Variants in RNF216 observed in about 807,000 individuals in gnomAD.
The protein encoded by RNF216 is E3 ubiquitin-protein ligase RNF216.
In RNF216, 72 loss-of-function variants were observed where a neutral mutation model predicts 110.8. That is an observed-to-expected ratio of 0.65 (90% CI 0.54 to 0.79). The LOEUF (loss-of-function observed/expected upper bound fraction) is 0.79. Ranked by LOEUF, RNF216 falls within the 30% of genes least tolerant of loss-of-function variation. The pLI, the probability that RNF216 is intolerant of heterozygous loss-of-function variation, is 0.00. For missense variants in RNF216, 1,342 were observed against 1,141.2 expected (o/e 1.18, Z -2.54); for synonymous variants, 495 against 407.5 (o/e 1.21, Z -2.59).
intron 9 of RNF216, among the ~76,000 whole-genome samples, chr7:5,719,788 AG>A (rs564660145): frequency 9.1e-4 from 138 of 152,310 alleles, no homozygotes; most frequent in African/African-American, 3.0e-3. Flanking sequence ...GAATAATCAT[AG>A]TTTTTCTGTC....
chr7:5,775,834 A>C (rs1201525718), intron 1 of RNF216, among the ~76,000 whole-genome samples: 2 of 151,190 alleles, frequency 1.3e-5, no homozygotes, highest in Non-Finnish European at 2.9e-5. Context: ...GCGCCACTGC[A>C]CTCCTGCCTG....
intron 13 of RNF216, among the ~76,000 whole-genome samples, chr7:5,667,430 G>C (rs939727547): frequency 6.6e-6 from 1 of 152,192 alleles, no homozygotes; most frequent in African/African-American, 2.4e-5. Flanking sequence ...ATCACTGCCA[G>C]GAACTGAAAA....
At chr7:5,692,509 C>A (rs1791397974) in intron 13 of RNF216, among the ~76,000 whole-genome samples, 1 of 152,140 alleles carries the variant, frequency 6.6e-6, no homozygotes, top group African/African-American at 2.4e-5. Context: ...GACTTCTGGT[C>A]CAAGGTTTCT....
intron 13 of RNF216, among the ~76,000 whole-genome samples, chr7:5,678,547 AAGTGACCTCAGGTG>A (rs1276405571): frequency 2.0e-5 from 3 of 152,136 alleles, no homozygotes; most frequent in Non-Finnish European, 2.9e-5. Context: ...CTACTTACTA[AAGTGACCTCAGGTG>A]AGTGACCTCA....
intron 1 of RNF216, among the ~76,000 whole-genome samples, chr7:5,767,602 A>AT (rs10709023): frequency 2.2e-3 from 319 of 143,770 alleles, no homozygotes; most frequent in Middle Eastern, 7.1e-3. Context: ...GTTGAGAGGG[A>AT]TTTTTTTTTT....
At chr7:5,774,759 CTT>C (rs201172961) in intron 1 of RNF216, among the ~76,000 whole-genome samples, 5 of 148,220 alleles carry the variant, frequency 3.4e-5, no homozygotes, top group Admixed American at 1.3e-4. Flanking sequence ...TTCCAAGTTA[CTT>C]TTTTTTTTTT....
chr7:5,705,917 T>TAAAAC (rs55645443), intron 13 of RNF216, among the ~76,000 whole-genome samples: 7,188 of 144,004 alleles, frequency 0.05, 247 homozygotes, highest in African/African-American at 0.092. Context: ...CAACAAAAAC[T>TAAAAC]AAAACAAAAC....
chr7:5,674,833 TA>T lies in RNF216; in HGVS notation c.2062-22324del, dbSNP rs544344685. Among the ~76,000 whole-genome samples the T allele has an allele frequency of 9.5e-4, 144 of 151,656 alleles. 1 individual carries two copies. The highest frequency in any genetic ancestry group is 3.1e-3 in the African/African-American group (130 of 41,328). ...CAACATGGCAAAACCCCATCTCTAC[TA>T]AAAAATACAAAAATTAGCTGGGCAT... is the stretch of plus-strand genomic sequence containing the variant. On this transcript the variant is annotated intron_variant, in intron 13 of 16. Transcript: ENST00000389902.
intron 1 of RNF216, among the ~76,000 whole-genome samples, chr7:5,764,211 A>T (rs1796082178): frequency 9.0e-6 from 1 of 111,572 alleles, no homozygotes. Flanking sequence ...TAAACTAATT[A>T]AAAAAAAAAA....
chr7:5,664,061 AG>A (rs1189471790), intron 13 of RNF216, among the ~76,000 whole-genome samples: 1 of 152,150 alleles, frequency 6.6e-6, no homozygotes, highest in Non-Finnish European at 1.5e-5. Flanking sequence ...TTGGATTTCT[AG>A]GGCCTAGCAC....
At chr7:5,751,926 G>A (rs1795351883) in intron 3 of RNF216, among the ~76,000 whole-genome samples, 1 of 148,002 alleles carries the variant, frequency 6.8e-6, no homozygotes, top group Non-Finnish European at 1.5e-5. Context: ...AGTGGCTCAC[G>A]CCTATAATCT....
At chr7:5,768,437 T>C (rs1273388050) in intron 1 of RNF216, among the ~76,000 whole-genome samples, 5 of 144,310 alleles carry the variant, frequency 3.5e-5, no homozygotes, top group Non-Finnish European at 6.0e-5. Flanking sequence ...AACCCACTTA[T>C]AGCTGGATAG....
intron 1 of RNF216, chr7:5,777,769 A>G (rs1242564541): frequency 6.6e-6 from 1 of 152,252 alleles, no homozygotes; most frequent in East Asian, 1.9e-4. Context: ...CTAGAGTTTA[A>G]CAGCTCTAAG....
chr7:5,670,223 C>T (rs141505912), intron 13 of RNF216, among the ~76,000 whole-genome samples: 74 of 152,230 alleles, frequency 4.9e-4, no homozygotes, highest in Middle Eastern at 3.4e-3. Flanking sequence ...CGTGAGCTAC[C>T]GTGCCTGCCC....
chr7:5,730,928 C>T, intron 5 of RNF216, 111 bp from the exon 6 acceptor site: 2 of 1,441,458 alleles, frequency 1.4e-6, no homozygotes, highest in Admixed American at 2.4e-5. Flanking sequence ...TTACAACTGG[C>T]CTATCAAGAA....
intron 13 of RNF216, among the ~76,000 whole-genome samples, chr7:5,664,545 T>A (rs1789378598): frequency 6.6e-6 from 1 of 152,180 alleles, no homozygotes; most frequent in East Asian, 1.9e-4. Flanking sequence ...TAAAAGGAGC[T>A]CACAAACAGT....
intron 13 of RNF216, among the ~76,000 whole-genome samples, chr7:5,679,589 T>C (rs1790522622): frequency 6.6e-6 from 1 of 152,166 alleles, no homozygotes; most frequent in East Asian, 1.9e-4. Flanking sequence ...TCACCAGATG[T>C]GCAATTATTT....
intron 15 of RNF216, among the ~76,000 whole-genome samples, chr7:5,629,178 G>A (rs1786901516): frequency 1.4e-5 from 2 of 144,786 alleles, no homozygotes; most frequent in East Asian, 2.0e-4. Flanking sequence ...TTGGGTGACA[G>A]AGCAAGACTC....
chr7:5,757,192 C>A (rs765924192), intron 2 of RNF216, among the ~76,000 whole-genome samples: 2 of 152,138 alleles, frequency 1.3e-5, no homozygotes, highest in Non-Finnish European at 2.9e-5. Context: ...GTTACTGAAA[C>A]AAGTCTTAAA....
Sources: allele counts gnomAD v4.1 joint callset (sites outside exome capture counted in the v4.1 genomes callset), GRCh38; gene constraint gnomAD v4.1.1; transcripts MANE v1.5; gene names NCBI Gene and HGNC (gene_info 2026-07-23, HGNC 2026-07-21).